Variants in ABCA10 observed in about 807,000 individuals in gnomAD.
ABCA10 encodes the protein ATP-binding cassette sub-family A member 10.
A neutral mutation model predicts 187.5 loss-of-function variants in ABCA10; 169 were observed. That is an observed-to-expected ratio of 0.90 (90% CI 0.80 to 1.02). ABCA10 has a LOEUF of 1.02. Ranked by LOEUF, ABCA10 falls within the 50% of genes least tolerant of loss-of-function variation. ABCA10 has a pLI of 0.00. For synonymous variants in ABCA10, 574 were observed against 601.8 expected, an observed-to-expected ratio of 0.95 and a Z score of 0.68; for missense variants, 1,727 against 1,812.4, an observed-to-expected ratio of 0.95 and a Z score of 0.86.
chr17:69,201,384 T>C (rs959647786), intron 10 of ABCA10, 116 bp downstream of exon 10: 1 of 958,020 alleles, frequency 1.0e-6, no homozygotes, highest in Non-Finnish European at 1.4e-6. Context: ...TTTAGGATGA[T>C]GGCAGAGAAA....
chr17:69,197,709 A>C (rs1388828861), intron 10 of ABCA10, among the ~76,000 whole-genome samples: 1 of 152,110 alleles, frequency 6.6e-6, no homozygotes, highest in Non-Finnish European at 1.5e-5. Flanking sequence ...TTGTTTTCTT[A>C]AGTCTCTAAC....
intron 3 of ABCA10, among the ~76,000 whole-genome samples, chr17:69,224,811 T>C (rs1168595286): frequency 6.6e-6 from 1 of 152,154 alleles, no homozygotes; most frequent in Non-Finnish European, 1.5e-5. Flanking sequence ...ATTTTAACTA[T>C]TTTTATACAC....
chr17:69,204,203 C>T (rs2074572233), intron 9 of ABCA10, among the ~76,000 whole-genome samples: 1 of 152,194 alleles, frequency 6.6e-6, no homozygotes, highest in Non-Finnish European at 1.5e-5. Flanking sequence ...ATAATTTCTA[C>T]ATCACAGACT....
Position 69,219,670 on chromosome 17 carries a change from C to T in ABCA10, c.405G>A (p.Trp135Ter), listed in dbSNP as rs866415794. Residue 135 changes from tryptophan (W) to a stop codon, truncating the protein, a stop_gained, in exon 6 of 39, where the codon TGG becomes TGA. Transcript: ENST00000690296. LOFTEE classifies it high-confidence loss of function. ...AAGAAACTAAGCAAGTAAAATGAAA[C>T]CATTCATTCATAATTTCTCCCTTAG... The part of the protein sequence containing the change: ...FISKGEIMNE[W>*]FHFTCLVSFS... 1.1e-5 allele frequency: 17 copies of T among 1,609,298 alleles called. No homozygotes were observed. The Admixed American group carries it at 2.7e-4, about 25-fold the overall frequency.
Position 69,219,566 on chromosome 17 carries a change from C to T in ABCA10, c.509G>A (p.Gly170Asp). The change falls in exon 6 of 39, where the codon GGT becomes GAT. Residue 170 changes from glycine (G) to aspartate (D), a missense_variant. By Grantham distance (94) the Gly-to-Asp change is moderately conservative. Transcript: ENST00000690296. ...GKFKKLMTVM[G>D]LRESAFWLSW... The stretch of plus-strand genomic sequence containing the variant: ...TTACCAGAATGCTGACTCTCGGAGA[C>T]CCATCACTGTCATCAGTTTCTTAAA... 1.9e-6 allele frequency: 3 copies of T among 1,601,266 alleles called. No homozygotes were observed. Among genetic ancestry groups the T allele is most frequent in the Non-Finnish European group, 2.6e-6 (3 of 1,173,952 alleles).
chr17:69,200,182 C>T (rs1166086339), intron 10 of ABCA10, among the ~76,000 whole-genome samples: 2 of 152,150 alleles, frequency 1.3e-5, no homozygotes, highest in South Asian at 2.1e-4. Context: ...ATATTCCTAA[C>T]AGCTAATATT....
rs531502336 is a variant in ABCA10, at chr17:69,210,062, G to A, written c.1006+4642C>T. Among the ~76,000 whole-genome samples the A allele has an allele frequency of 1.9e-3, 269 of 142,330 alleles. 1 individual carries two copies. The highest frequency in any genetic ancestry group is 6.8e-3 in the African/African-American group (261 of 38,360). The allele number at this position is 142,330 out of a possible 152,430, so 93.4% of individuals were successfully genotyped here. A position where few individuals can be genotyped will look rare whatever the true frequency, so the allele number is the denominator to read the frequency against. On this transcript the variant is annotated intron_variant, in intron 9 of 38. Transcript: ENST00000690296. ...TTTTATAGTCATTTAAAAGCCATCT[G>A]TAGAGCTTATGCTATTACTTTATTA...
At chr17:69,174,531 A>G in intron 24 of ABCA10, 76 bp downstream of exon 24, 1 of 1,482,654 alleles carries the variant, frequency 6.7e-7, no homozygotes, top group Non-Finnish European at 9.1e-7. Flanking sequence ...TTTGCTAATG[A>G]CAAAACATTC....
intron 1 of ABCA10, among the ~76,000 whole-genome samples, chr17:69,238,911 T>C (rs754688988): frequency 6.6e-6 from 1 of 152,222 alleles, no homozygotes; most frequent in Non-Finnish European, 1.5e-5. Flanking sequence ...GAGTACTCCA[T>C]TGATGATCCA....
intron 8 of ABCA10, 132 bp from the exon 9 acceptor site, chr17:69,214,983 A>C: frequency 1.1e-5 from 6 of 559,778 alleles, no homozygotes; most frequent in Non-Finnish European, 1.7e-5. Flanking sequence ...TGCATAGTAA[A>C]TGTGCTATTA....
rs1362810033 is a variant in ABCA10, at chr17:69,221,880, A to G, written c.215T>C (p.Met72Thr). 2.5e-6 allele frequency: 4 copies of G among 1,612,930 alleles called. No homozygotes were observed. Among genetic ancestry groups the G allele is most frequent in the Non-Finnish European group, 3.4e-6 (4 of 1,179,348 alleles). The change falls in exon 5 of 39, where the codon ATG becomes ACG. Residue 72 changes from methionine to threonine, a missense_variant. Met to Thr is a moderately conservative substitution (Grantham distance 81). Transcript: ENST00000690296. ...HSEYTEHCWA[M>T]HGEIFCYLAK... ...CAAGTAACAAAAAATTTCACCATGC[A>G]TGGCCCAACAGTGTTCTTTAAGGAA...
intron 9 of ABCA10, among the ~76,000 whole-genome samples, chr17:69,201,954 TG>T (rs1401511931): frequency 6.6e-6 from 1 of 152,194 alleles, no homozygotes; most frequent in Non-Finnish European, 1.5e-5. Context: ...GGCTAACTTT[TG>T]TATTTTTATT....
rs200949548 is a variant in ABCA10, at chr17:69,152,806, A to G, written c.4137-325T>C. On this transcript the variant is annotated intron_variant, in intron 34 of 38. Coordinates refer to ENST00000690296, the MANE Select transcript of ABCA10 (RefSeq NM_001377321.1). ...TGTGTCAAGTAATACAATTAAGTAAATAAATAAATAAATAAATAAATAAAT... is the reference window on the plus strand; with the variant it reads ...TGTGTCAAGTAATACAATTAAGTAAGTAAATAAATAAATAAATAAATAAAT... Among the ~76,000 whole-genome samples the G allele has an allele frequency of 9.7e-4, 20 of 20,714 alleles. 1 individual carries two copies. The East Asian group carries it at 0.012, about 12-fold the overall frequency. 13.6% of individuals were successfully genotyped at this position (20,714 alleles called of 152,430 possible).
chr17:69,196,954 G>C lies in ABCA10; in HGVS notation c.1234+110C>G, dbSNP rs900178129. The C allele has an allele frequency of 6.3e-6, 5 of 790,940 alleles. No individual in the cohort carries two copies. The Admixed American group carries it at 1.4e-4, about 22-fold the overall frequency. The allele number at this position is 790,940 out of a possible 1,614,324, so 49.0% of individuals were successfully genotyped here. On this transcript the variant is annotated intron_variant, in intron 11 of 38. Transcript: ENST00000690296. ...AGGCAGGGAGGTTGCAGTGAGCCGA[G>C]ATGGCGGCACTACAGTCCAGCCTCC... is the stretch of plus-strand genomic sequence containing the variant.
At chr17:69,162,607 C>G (rs988515736) in intron 27 of ABCA10, among the ~76,000 whole-genome samples, 1 of 151,998 alleles carries the variant, frequency 6.6e-6, no homozygotes, top group African/African-American at 2.4e-5. Flanking sequence ...TGATTTGGCT[C>G]CTTCTGAATT....
intron 4 of ABCA10, 78 bp downstream of exon 4, chr17:69,222,455 A>C: frequency 8.6e-7 from 1 of 1,169,124 alleles, no homozygotes; most frequent in Non-Finnish European, 1.2e-6. Context: ...GGTTGTATTA[A>C]TATTCCTATC....
chr17:69,175,271 T>C, intron 23 of ABCA10, 135 bp downstream of exon 23: 2 of 712,034 alleles, frequency 2.8e-6, no homozygotes, highest in South Asian at 4.1e-5. Flanking sequence ...CTATAATCTA[T>C]ACTGATATTA....
At chr17:69,244,256 T>C (rs995628532) in intron 1 of ABCA10, 1 of 152,126 alleles carries the variant, frequency 6.6e-6, no homozygotes, top group Non-Finnish European at 1.5e-5. Flanking sequence ...TAATTGTCAA[T>C]GTTCCTTCTG....
At chr17:69,226,697 C>A (rs745909959) in intron 2 of ABCA10, among the ~76,000 whole-genome samples, 3 of 151,944 alleles carry the variant, frequency 2.0e-5, no homozygotes, top group Non-Finnish European at 4.4e-5. Flanking sequence ...ATTTTCCCAG[C>A]CTTACCAAAT....
Sources: allele counts gnomAD v4.1 joint callset (sites outside exome capture counted in the v4.1 genomes callset), GRCh38; gene constraint gnomAD v4.1.1; transcripts MANE v1.5; gene names NCBI Gene and HGNC (gene_info 2026-07-23, HGNC 2026-07-21).